Variants in KCNH1 observed in about 807,000 individuals in gnomAD.
KCNH1 encodes the protein potassium voltage-gated channel subfamily H member 1.
KCNH1 carries 27 observed loss-of-function variants against 69.2 expected under a neutral mutation model. That is an observed-to-expected ratio of 0.39 (90% CI 0.29 to 0.54). The LOEUF (loss-of-function observed/expected upper bound fraction) is 0.54. KCNH1 is among the 20% of genes least tolerant of loss of function. The pLI is 0.68. For missense variants in KCNH1, 798 were observed against 1,261.6 expected, an observed-to-expected ratio of 0.63 and a Z score of 5.57; for synonymous variants, 456 against 487.7, an observed-to-expected ratio of 0.93 and a Z score of 0.86.
At chr1:211,127,636 C>A (rs1043280229) in intron 1 of KCNH1, among the ~76,000 whole-genome samples, 2 of 152,154 alleles carry the variant, frequency 1.3e-5, no homozygotes, top group African/African-American at 2.4e-5. Flanking sequence ...ATTAACATAA[C>A]TCTCAATGAC....
At chr1:211,007,480 C>A (rs1445964976) in intron 6 of KCNH1, among the ~76,000 whole-genome samples, 3 of 152,226 alleles carry the variant, frequency 2.0e-5, no homozygotes, top group Non-Finnish European at 2.9e-5. Context: ...GCCCCACATA[C>A]AATGCCTGTG....
intron 7 of KCNH1, among the ~76,000 whole-genome samples, chr1:210,864,181 C>G (rs920792130): frequency 6.6e-6 from 1 of 152,234 alleles, no homozygotes; most frequent in Non-Finnish European, 1.5e-5. Flanking sequence ...CTGGGGCAGG[C>G]TTCTCTCAGC....
chr1:211,078,004 C>T (rs1016654450), intron 5 of KCNH1, among the ~76,000 whole-genome samples: 2 of 150,374 alleles, frequency 1.3e-5, no homozygotes, highest in African/African-American at 2.4e-5. Context: ...AACCAACAAA[C>T]ATCAAAAGAG....
chr1:210,683,427 C>T lies in KCNH1; in HGVS notation c.2824G>A (p.Ala942Thr), dbSNP rs111252933. The T allele has an allele frequency of 1.9e-5, 31 of 1,614,098 alleles. No homozygotes were observed. In the East Asian group the frequency reaches 2.0e-4, roughly 10 times the overall value. The change falls in exon 11 of 11, where the codon GCC becomes ACC. Residue 942 changes from alanine (A) to threonine (T), a missense_variant. Physicochemically the swap from Ala to Thr is moderately conservative, Grantham distance 58. Transcript: ENST00000271751. This position sits in a 1 kb window ranked among gnomAD's most constrained non-coding sequence, Gnocchi z 5.7. ...ELKEDIKALNAKMTNIEKQLS... is the reference protein window; with the variant it reads ...ELKEDIKALNTKMTNIEKQLS... Reference sequence around the variant, plus strand: ...TGTTTCTCAATATTGGTCATTTTGGCGTTTAAGGCCTTGATGTCCTCCTTC... The same window carrying T: ...TGTTTCTCAATATTGGTCATTTTGGTGTTTAAGGCCTTGATGTCCTCCTTC...
chr1:211,102,083 A>G lies in KCNH1; in HGVS notation c.310+1413T>C, dbSNP rs146563778. 2.5e-3 allele frequency among the ~76,000 whole-genome samples: 386 copies of G among 152,252 alleles called. 1 individual carries two copies. The highest frequency in any genetic ancestry group is 8.6e-3 in the African/African-American group (357 of 41,544). ...TGTCTACCTAAAGTACAGATCTTCA[A>G]ATATCAGAATCAATCACTTTCAGCA... On this transcript the variant is annotated intron_variant, in intron 3 of 10. Coordinates refer to ENST00000271751, the MANE Select transcript of KCNH1 (RefSeq NM_172362.3).
intron 6 of KCNH1, among the ~76,000 whole-genome samples, chr1:210,940,043 C>T (rs2102586654): frequency 6.6e-6 from 1 of 152,216 alleles, no homozygotes; most frequent in Non-Finnish European, 1.5e-5. Flanking sequence ...CATGATGATC[C>T]CACTACTCTG....
At chr1:210,863,549 T>C (rs1183125074) in intron 7 of KCNH1, among the ~76,000 whole-genome samples, 1 of 152,204 alleles carries the variant, frequency 6.6e-6, no homozygotes, top group Non-Finnish European at 1.5e-5. Context: ...CCCTTGATAA[T>C]AGTAAATGCC....
intron 10 of KCNH1, 113 bp downstream of exon 10, chr1:210,775,235 A>T: frequency 1.2e-6 from 1 of 867,836 alleles, no homozygotes; most frequent in Non-Finnish European, 1.8e-6. Context: ...GATCCTCTTT[A>T]GAACCAATTA....
In KCNH1 at chr1:211,091,046, G is replaced by A. The variant is rs573781858; in HGVS notation, c.311-356C>T. Reference sequence around the variant, plus strand: ...ACCACATAATGGACAGTAAAGAGTAGGGGACAAGATAGGTCCTGCCAACCA... The same window carrying A: ...ACCACATAATGGACAGTAAAGAGTAAGGGACAAGATAGGTCCTGCCAACCA... On this transcript the variant is annotated intron_variant, in intron 3 of 10. Coordinates refer to ENST00000271751, the MANE Select transcript of KCNH1 (RefSeq NM_172362.3). Among the ~76,000 whole-genome samples the A allele has an allele frequency of 1.9e-4, 29 of 152,254 alleles. No homozygotes were observed. In the East Asian group the frequency reaches 5.2e-3, roughly 27 times the overall value.
intron 4 of KCNH1, among the ~76,000 whole-genome samples, chr1:211,089,462 C>A (rs570944452): frequency 6.6e-6 from 1 of 152,132 alleles, no homozygotes; most frequent in Non-Finnish European, 1.5e-5. Flanking sequence ...AAATAGGATG[C>A]GCTGGTATTA....
At chr1:210,862,110 G>T in intron 7 of KCNH1, 1 of 1,111,050 alleles carries the variant, frequency 9.0e-7, no homozygotes, top group Non-Finnish European at 1.4e-6. Flanking sequence ...TTTTCAAATA[G>T]ATAACACCTG....
intron 10 of KCNH1, among the ~76,000 whole-genome samples, chr1:210,721,365 A>C (rs1682452469): frequency 6.6e-6 from 1 of 152,180 alleles, no homozygotes; most frequent in Non-Finnish European, 1.5e-5. Flanking sequence ...TCAGCGCAAG[A>C]GTTCTGCTCA....
chr1:210,750,315 G>A (rs1336253201), intron 10 of KCNH1, among the ~76,000 whole-genome samples: 1 of 152,186 alleles, frequency 6.6e-6, no homozygotes, highest in Non-Finnish European at 1.5e-5. Flanking sequence ...CGCTAACTGT[G>A]CTATTTGTGT....
At chr1:210,861,055 A>T in intron 7 of KCNH1, 1 of 971,048 alleles carries the variant, frequency 1.0e-6, no homozygotes, top group Non-Finnish European at 1.7e-6. Flanking sequence ...TAGTCTTTTG[A>T]AGTACCTCCT....
chr1:210,944,344 C>A (rs1223221368), intron 6 of KCNH1, among the ~76,000 whole-genome samples: 3 of 152,222 alleles, frequency 2.0e-5, no homozygotes, highest in African/African-American at 7.2e-5. Flanking sequence ...AGGACACAAT[C>A]CCATGTTTGT....
chr1:210,813,437 C>CT (rs1684748565), intron 7 of KCNH1, among the ~76,000 whole-genome samples: 3 of 152,230 alleles, frequency 2.0e-5, no homozygotes, highest in Admixed American at 2.0e-4. Flanking sequence ...TGAGGAGGGG[C>CT]TGAAGAGTAA....
chr1:211,002,380 T>C (rs1205934531), intron 6 of KCNH1, among the ~76,000 whole-genome samples: 2 of 149,110 alleles, frequency 1.3e-5, no homozygotes, highest in African/African-American at 4.9e-5. Context: ...ATATACACCA[T>C]CCTAGGGCCC....
rs567265038 is a variant in KCNH1, at chr1:210,976,313, C to T, written c.1032+42470G>A. 7.6e-4 allele frequency among the ~76,000 whole-genome samples: 113 copies of T among 148,416 alleles called. 1 individual carries two copies. Among genetic ancestry groups the T allele is most frequent in the African/African-American group, 2.5e-3 (102 of 40,838 alleles). On this transcript the variant is annotated intron_variant, in intron 6 of 10. Coordinates refer to ENST00000271751, the MANE Select transcript of KCNH1 (RefSeq NM_172362.3). The stretch of plus-strand genomic sequence containing the variant: ...GACACATGCACATGTATGTTTACTG[C>T]GGCACTATTCACAATAGCAAAGACT...
chr1:210,914,022 CA>C (rs1176188080), intron 7 of KCNH1, among the ~76,000 whole-genome samples: 2 of 152,048 alleles, frequency 1.3e-5, no homozygotes, highest in Non-Finnish European at 2.9e-5. Context: ...TATGGGATCC[CA>C]ATATGAAAGT....
Sources: allele counts gnomAD v4.1 joint callset (sites outside exome capture counted in the v4.1 genomes callset), GRCh38; gene constraint gnomAD v4.1.1; non-coding constraint Gnocchi (gnomAD v3.1); transcripts MANE v1.5; gene names NCBI Gene and HGNC (gene_info 2026-07-23, HGNC 2026-07-21).